The following DTWD2 variants were observed in gnomAD, a reference collection of about 807,000 sequenced individuals.
DTWD2 encodes DTW motif tRNA-uridine aminocarboxypropyltransferase 2.
Under a neutral mutation model 31.8 loss-of-function variants are expected in DTWD2, and 39 were observed. The ratio of observed to expected loss-of-function variants is 1.22; its 90% CI spans 0.95 to 1.60. DTWD2 has a LOEUF of 1.60. DTWD2 is among the 40% of genes most tolerant of loss of function. DTWD2 has a pLI of 0.00. For synonymous variants in DTWD2, 180 were observed against 142.8 expected (o/e 1.26, Z -1.86); for missense variants, 515 against 381.5 (o/e 1.35, Z -2.92).
At chr5:118,875,057 C>G (rs1050943741) in intron 4 of DTWD2, among the ~76,000 whole-genome samples, 1 of 152,134 alleles carries the variant, frequency 6.6e-6, no homozygotes, top group Non-Finnish European at 1.5e-5. Flanking sequence ...GGCCAATATT[C>G]AATATTTCTT....
At chr5:118,865,501 C>A (rs537019018) in intron 4 of DTWD2, among the ~76,000 whole-genome samples, 1 of 151,712 alleles carries the variant, frequency 6.6e-6, no homozygotes, top group South Asian at 2.1e-4. Context: ...GAAAAGTGAG[C>A]GAAAATAAAG....
chr5:118,843,232 G>C (rs1751763811), intron 5 of DTWD2, among the ~76,000 whole-genome samples: 1 of 151,672 alleles, frequency 6.6e-6, no homozygotes, highest in African/African-American at 2.4e-5. Flanking sequence ...TGGGATTACA[G>C]GTGTGAGCCA....
At chr5:118,957,271 G>C (rs1190303025) in intron 1 of DTWD2, among the ~76,000 whole-genome samples, 1 of 151,964 alleles carries the variant, frequency 6.6e-6, no homozygotes, top group African/African-American at 2.4e-5. Flanking sequence ...ACCCAGGCTG[G>C]AGTGCAGTGG....
chr5:118,858,756 A>C (rs1752194403), intron 4 of DTWD2, among the ~76,000 whole-genome samples: 1 of 152,170 alleles, frequency 6.6e-6, no homozygotes, highest in Admixed American at 6.5e-5. Flanking sequence ...CCACACTTTT[A>C]TTACACCTAA....
At chr5:118,847,680 T>C (rs968964384) in intron 5 of DTWD2, among the ~76,000 whole-genome samples, 6 of 151,924 alleles carry the variant, frequency 3.9e-5, no homozygotes, top group East Asian at 1.9e-4. Flanking sequence ...AAAGTTAGTA[T>C]ACGGCACCAA....
chr5:118,986,299 G>A (rs147957361), intron 1 of DTWD2, among the ~76,000 whole-genome samples: 3,969 of 152,212 alleles, frequency 0.026, 81 homozygotes, highest in Non-Finnish European at 0.037. Context: ...ATAAAGGACA[G>A]AATACATTTA....
At chr5:118,888,559 G>A (rs1335180596) in intron 4 of DTWD2, among the ~76,000 whole-genome samples, 2 of 152,126 alleles carry the variant, frequency 1.3e-5, no homozygotes, top group Admixed American at 6.5e-5. Flanking sequence ...AAAGCTGTAT[G>A]AGCATTTACA....
intron 3 of DTWD2, among the ~76,000 whole-genome samples, chr5:118,936,392 T>C (rs1754045330): frequency 6.6e-6 from 1 of 151,954 alleles, no homozygotes; most frequent in South Asian, 2.1e-4. Context: ...AAACTTTTAA[T>C]TGAGCCCAAG....
At chr5:118,900,864 G>T (rs1217545560) in intron 4 of DTWD2, among the ~76,000 whole-genome samples, 3 of 151,514 alleles carry the variant, frequency 2.0e-5, no homozygotes, top group Non-Finnish European at 2.9e-5. Context: ...GGCAGAGCTT[G>T]CAGTGACCCG....
At chr5:118,933,069 G>A (rs1347567027) in intron 3 of DTWD2, among the ~76,000 whole-genome samples, 4 of 152,040 alleles carry the variant, frequency 2.6e-5, no homozygotes, top group African/African-American at 9.7e-5. Context: ...TAGTTAGGAG[G>A]AAATTAACTA....
chr5:118,866,908 C>T (rs1752392958), intron 4 of DTWD2, among the ~76,000 whole-genome samples: 2 of 150,944 alleles, frequency 1.3e-5, no homozygotes, highest in African/African-American at 2.4e-5. Flanking sequence ...CAGAGTGAGA[C>T]TCTGTCTCAA....
chr5:118,902,979 G>A (rs912987877), intron 4 of DTWD2, among the ~76,000 whole-genome samples: 3 of 151,988 alleles, frequency 2.0e-5, no homozygotes, highest in African/African-American at 7.2e-5. Flanking sequence ...TATCTATGTT[G>A]TAGCACATCA....
intron 4 of DTWD2, among the ~76,000 whole-genome samples, chr5:118,869,040 T>G (rs993268215): frequency 6.6e-6 from 1 of 151,552 alleles, no homozygotes; most frequent in Non-Finnish European, 1.5e-5. Context: ...TTCCCAGGAG[T>G]TGGAGCACAA....
chr5:118,975,227 T>G (rs113834191), intron 1 of DTWD2, among the ~76,000 whole-genome samples: 1,727 of 152,316 alleles, frequency 0.011, 48 homozygotes, highest in African/African-American at 0.039. Flanking sequence ...TCGTTCCTTT[T>G]CATTCTTTTT....
intron 3 of DTWD2, among the ~76,000 whole-genome samples, chr5:118,930,922 T>C (rs1753908813): frequency 6.6e-6 from 1 of 152,132 alleles, no homozygotes; most frequent in Non-Finnish European, 1.5e-5. Context: ...AGAGGGTTTC[T>C]TTTTGAAGTG....
At chr5:118,896,383 A>G (rs1350511936) in intron 4 of DTWD2, among the ~76,000 whole-genome samples, 1 of 152,100 alleles carries the variant, frequency 6.6e-6, no homozygotes, top group East Asian at 1.9e-4. Context: ...TGTAGGTCAG[A>G]TTTTTCATTT....
chr5:118,866,993 GT>G (rs1752395424), intron 4 of DTWD2, among the ~76,000 whole-genome samples: 1 of 151,762 alleles, frequency 6.6e-6, no homozygotes, highest in Admixed American at 6.6e-5. Context: ...ATACATTATA[GT>G]TGTTGTTGTT....
intron 4 of DTWD2, among the ~76,000 whole-genome samples, chr5:118,911,288 T>C (rs1753452911): frequency 6.6e-6 from 1 of 152,078 alleles, no homozygotes; most frequent in African/African-American, 2.4e-5. Context: ...CAAGAAAATA[T>C]AAAGCAAAAC....
intron 4 of DTWD2, among the ~76,000 whole-genome samples, chr5:118,860,028 G>T (rs1752223714): frequency 6.6e-6 from 1 of 151,950 alleles, no homozygotes; most frequent in South Asian, 2.1e-4. Flanking sequence ...TGAGGTGGGA[G>T]GATAGCTTGA....
Sources: allele counts gnomAD v4.1 joint callset (sites outside exome capture counted in the v4.1 genomes callset), GRCh38; gene constraint gnomAD v4.1.1; transcripts MANE v1.5; gene names NCBI Gene and HGNC (gene_info 2026-07-23, HGNC 2026-07-21).